Variants in PVRIG observed in about 807,000 individuals in gnomAD.
PVRIG encodes the protein PVR related immunoglobulin domain containing.
Under a neutral mutation model 21.9 loss-of-function variants are expected in PVRIG, and 16 were observed. That is an observed-to-expected ratio of 0.73 (90% CI 0.50 to 1.11). PVRIG has a LOEUF of 1.11. Among genes scored for constraint, PVRIG ranks in the 50% most tolerant of loss-of-function variants. The pLI is 0.00. For missense variants in PVRIG, 435 were observed against 445.7 expected (o/e 0.98, Z 0.22); for synonymous variants, 190 against 181.0 (o/e 1.05, Z -0.40).
At chr7:100,220,805 G>C in exon 5 of PVRIG, 8 of 1,606,512 alleles carry the variant, frequency 5.0e-6, no homozygotes, top group Non-Finnish European at 6.8e-6. Flanking sequence ...CCCAGGCACC[G>C]AGAGCACGAG....
intron 5 of PVRIG, 51 bp downstream of exon 4, chr7:100,220,871 G>C: frequency 6.2e-7 from 1 of 1,600,240 alleles, no homozygotes; most frequent in Non-Finnish European, 8.5e-7. Flanking sequence ...AGGGGCAGGG[G>C]GGCCAGGGCT....
At chr7:100,220,346 C>T (rs759958321) in exon 3 of PVRIG, 10 of 1,560,192 alleles carry the variant, frequency 6.4e-6, no homozygotes, top group Non-Finnish European at 8.7e-6. Context: ...TCTCTCTCAT[C>T]CTGGAAGGCT....
At chr7:100,220,974 C>T in exon 6 of PVRIG, 2 of 1,594,990 alleles carry the variant, frequency 1.3e-6, no homozygotes, top group East Asian at 2.2e-5. Context: ...CCTTATGCCA[C>T]TATCAACACC....
chr7:100,219,436 A>G (rs569149184), intron 1 of PVRIG: 6 of 213,796 alleles, frequency 2.8e-5, no homozygotes, highest in East Asian at 1.5e-4. Flanking sequence ...ATGAGTGGGT[A>G]GTGGGCGAGC....
chr7:100,220,873 G>C, intron 5 of PVRIG, 53 bp downstream of exon 4: 1 of 1,599,230 alleles, frequency 6.3e-7, no homozygotes. Context: ...GGGCAGGGGG[G>C]CCAGGGCTGG....
exon 6 of PVRIG, chr7:100,221,266 C>T (rs766257512): frequency 6.6e-7 from 1 of 1,526,362 alleles, no homozygotes; most frequent in African/African-American, 1.4e-5. Context: ...GACCATGAGG[C>T]CACTGGGCTT....
intron 1 of PVRIG, chr7:100,219,522 G>A: frequency 3.1e-6 from 1 of 325,316 alleles, no homozygotes; most frequent in Non-Finnish European, 5.8e-6. Context: ...AGTGGGTCAT[G>A]CATGCTGGGC....
chr7:100,220,760 C>A, exon 5 of PVRIG: 1 of 1,606,246 alleles, frequency 6.2e-7, no homozygotes, highest in Non-Finnish European at 8.5e-7. Context: ...TCTCTCCCAG[C>A]CCTGCCCCTA....
Position 100,220,412 on chromosome 7 carries a change from C to T in PVRIG, c.417C>T (p.Phe139=), listed in dbSNP as rs1803149776. Reference sequence around the variant, plus strand: ...CCTTCTGCTGCAAGTTTGCGTCCTTCCCTGAGGGCTCCTGGGAGGCCTGTG... The same window carrying T: ...CCTTCTGCTGCAAGTTTGCGTCCTTTCCTGAGGGCTCCTGGGAGGCCTGTG... The change falls in exon 3 of 6, where the codon TTC becomes TTT. Residue 139 remains phenylalanine, a synonymous_variant. Coordinates refer to ENST00000317271, the Ensembl canonical transcript of PVRIG. 3 of 1,600,816 alleles carry T rather than the reference C, an allele frequency of 1.9e-6. No homozygotes were observed. The East Asian group carries it at 6.8e-5, about 36-fold the overall frequency.
rs751254777 is a variant in PVRIG at position 100,220,853 on chromosome 7, A to ACAGGGG, written c.657+46_657+51dup. ...GGGGACCTGCTTTGGGGATGAGGTGACAGGGGCAGGGGCAGGGGGGCCAGG... is the reference window on the plus strand; with the variant it reads ...GGGGACCTGCTTTGGGGATGAGGTGACAGGGGCAGGGGCAGGGGCAGGGGGGCCAGG... On this transcript the variant is annotated intron_variant, in intron 5 of 5. Transcript: ENST00000317271. The ACAGGGG allele has an allele frequency of 2.1e-4, 339 of 1,605,506 alleles. 1 individual carries two copies. The highest frequency in any genetic ancestry group is 1.1e-3 in the East Asian group (50 of 44,752).
chr7:100,219,684 C>T, intron 1 of PVRIG: 1 of 598,936 alleles, frequency 1.7e-6, no homozygotes, highest in Non-Finnish European at 3.0e-6. Context: ...CCCCTGACAG[C>T]TTCTCTGCCC....
Position 100,220,459 on chromosome 7 carries a change from AC to A in PVRIG, c.467del (p.Pro156GlnfsTer168), listed in dbSNP as rs1803152953. The stretch of plus-strand genomic sequence containing the variant: ...TGTGGGAGCCTCCCGCCCAGCTCAG[AC>A]CCAGGTGGGGCCGGGGCGAGGGGTC... On this transcript the variant is annotated frameshift_variant, in exon 3 of 6. Coordinates refer to ENST00000317271, the Ensembl canonical transcript of PVRIG. LOFTEE classifies it high-confidence loss of function. 1 of 1,611,024 alleles carries A rather than the reference AC, an allele frequency of 6.2e-7. No individual in the cohort carries two copies. Among genetic ancestry groups the A allele is most frequent in the Admixed American group, 1.7e-5 (1 of 59,714 alleles).
At position 100,220,388 on chromosome 7, in the gene PVRIG, C is replaced by T. The variant is rs903331494; in HGVS notation, c.393C>T (p.Thr131=). 5.0e-6 allele frequency: 8 copies of T among 1,585,838 alleles called. No individual in the cohort carries two copies. In the African/African-American group the frequency reaches 9.4e-5, roughly 19 times the overall value. Reference sequence around the variant, plus strand: ...CCAGCAGCCCCTGCGCCAACACCACCTTCTGCTGCAAGTTTGCGTCCTTCC... The same window carrying T: ...CCAGCAGCCCCTGCGCCAACACCACTTTCTGCTGCAAGTTTGCGTCCTTCC... Residue 131 remains threonine, a synonymous_variant, in exon 3 of 6, where the codon ACC becomes ACT. Transcript: ENST00000317271.
At chr7:100,220,551 C>G (rs769199558) in exon 4 of PVRIG, 1 of 1,611,780 alleles carries the variant, frequency 6.2e-7, no homozygotes, top group South Asian at 1.1e-5. Context: ...GCCCAGGGCT[C>G]TCTGCCCCGC....
chr7:100,221,177 A>G (rs775941171), exon 6 of PVRIG: 2 of 1,611,732 alleles, frequency 1.2e-6, no homozygotes, highest in South Asian at 1.1e-5. Flanking sequence ...GCCTCCTCAC[A>G]CTGGTCCCGG....
In PVRIG at chr7:100,220,823, G is replaced by A. The variant is rs1803186945; in HGVS notation, c.657+3G>A. 1 of 1,607,720 alleles carries A rather than the reference G, an allele frequency of 6.2e-7. No homozygotes were observed. The highest frequency in any genetic ancestry group is 8.5e-7 in the Non-Finnish European group (1 of 1,179,564). On this transcript the variant is annotated splice_donor_region_variant and intron_variant, in intron 5 of 5. Coordinates refer to ENST00000317271, the Ensembl canonical transcript of PVRIG. ...AGGCACCGAGAGCACGAGCATGGGT[G>A]AGGAGGGGACCTGCTTTGGGGATGA...
rs750998316 is a variant in PVRIG at position 100,220,157 on chromosome 7, G to A, written c.162G>A (p.Glu54=). ...TTCAAGTTCGGATGGAGGCCACCGA[G>A]CTCTCGTCCTTCACCATCCGTTGTG... The change falls in exon 3 of 6, where the codon GAG becomes GAA. Residue 54 remains glutamate (E), a synonymous_variant. Transcript: ENST00000317271. The A allele has an allele frequency of 7.5e-6, 12 of 1,598,842 alleles. No individual in the cohort carries two copies. The African/African-American group carries it at 1.3e-4, about 18-fold the overall frequency.
chr7:100,220,749 C>G lies in PVRIG; in HGVS notation c.597-11C>G, dbSNP rs376454018. 25 of 1,606,410 alleles carry G rather than the reference C, an allele frequency of 1.6e-5. No homozygotes were observed. The highest frequency in any genetic ancestry group is 2.1e-5 in the Non-Finnish European group (25 of 1,179,930). ...CCCTGCAGAGCTCTGACCATCCTTGCTCTCTCCCAGCCCTGCCCCTAGGCT... is the reference window on the plus strand; with the variant it reads ...CCCTGCAGAGCTCTGACCATCCTTGGTCTCTCCCAGCCCTGCCCCTAGGCT... On this transcript the variant is annotated splice_polypyrimidine_tract_variant and intron_variant, in intron 4 of 5. Coordinates refer to ENST00000317271, the Ensembl canonical transcript of PVRIG.
chr7:100,221,330 C>A, exon 6 of PVRIG: 2 of 1,194,694 alleles, frequency 1.7e-6, no homozygotes, highest in Non-Finnish European at 2.3e-6. Context: ...CTTGGGCCTC[C>A]AATAAGTGTC....
Sources: gnomAD v4.1 joint callset for allele counts on GRCh38, gnomAD v4.1.1 for gene constraint, MANE v1.5 for transcripts, NCBI Gene and HGNC (gene_info 2026-07-23, HGNC 2026-07-21) for gene names.